Variants in NCAPG2 observed in about 807,000 individuals in gnomAD.
NCAPG2 encodes condensin-2 complex subunit G2.
A neutral mutation model predicts 141.1 loss-of-function variants in NCAPG2; 53 were observed. The observed-to-expected ratio is 0.38, with a 90% CI of 0.30 to 0.47. The LOEUF is 0.47. Among genes scored for constraint, NCAPG2 ranks in the 20% least tolerant of loss-of-function variants. The probability of loss-of-function intolerance (pLI) is 0.99; values close to 1 mark genes in which losing one functional copy is unlikely to be tolerated. For missense variants in NCAPG2, 1,087 were observed against 1,389.0 expected, an observed-to-expected ratio of 0.78 and a Z score of 3.46; for synonymous variants, 499 against 490.7, an observed-to-expected ratio of 1.02 and a Z score of -0.22.
At chr7:158,677,525 CAAAAAAA>C in intron 11 of NCAPG2, among the ~76,000 whole-genome samples, 31,366 of 90,802 alleles carry the variant, frequency 0.35, 3,352 homozygotes, top group Admixed American at 0.42. Context: ...AAAAATAAAG[CAAAAAAA>C]AAAAAAAAAA....
intron 8 of NCAPG2, among the ~76,000 whole-genome samples, chr7:158,685,000 A>G (rs2129468193): frequency 6.6e-6 from 1 of 152,370 alleles, no homozygotes; most frequent in African/African-American, 2.4e-5. Flanking sequence ...CCATCAGTGC[A>G]GGGCCTGCTC....
intron 16 of NCAPG2, among the ~76,000 whole-genome samples, chr7:158,660,555 A>G (rs1211383331): frequency 6.6e-6 from 1 of 151,940 alleles, no homozygotes; most frequent in East Asian, 1.9e-4. Context: ...AGCTGGGACC[A>G]AAAGGCACAG....
At chr7:158,677,030 T>C (rs935544665) in intron 11 of NCAPG2, among the ~76,000 whole-genome samples, 1 of 152,032 alleles carries the variant, frequency 6.6e-6, no homozygotes, top group African/African-American at 2.4e-5. Context: ...GAGCCCAGGT[T>C]ACAGAGAAGA....
chr7:158,677,525 C>CAAAAAAAAAAAAAAAAAAAAAAAA, intron 11 of NCAPG2, among the ~76,000 whole-genome samples: 4 of 90,404 alleles, frequency 4.4e-5, no homozygotes, highest in Non-Finnish European at 8.6e-5. Flanking sequence ...AAAAATAAAG[C>CAAAAAAAAAAAAAAAAAAAAAAAA]AAAAAAAAAA....
intron 13 of NCAPG2, among the ~76,000 whole-genome samples, chr7:158,666,513 G>C (rs1194663623): frequency 6.6e-6 from 1 of 151,620 alleles, no homozygotes; most frequent in Non-Finnish European, 1.5e-5. Context: ...GTAAGAAGCA[G>C]GCTTAGAGTG....
At chr7:158,634,175 C>A (rs1176019519) in intron 27 of NCAPG2, among the ~76,000 whole-genome samples, 1 of 135,754 alleles carries the variant, frequency 7.4e-6, no homozygotes, top group African/African-American at 2.7e-5. Flanking sequence ...TGTTCCAGGA[C>A]CCCCCAGATA....
At position 158,686,258 on chromosome 7, in the gene NCAPG2, A is replaced by G. The variant is rs370382695; in HGVS notation, c.768-17T>C. The G allele has an allele frequency of 1.1e-5, 15 of 1,392,718 alleles. No homozygotes were observed. The African/African-American group carries it at 2.2e-4, about 21-fold the overall frequency. 86.3% of individuals were successfully genotyped at this position (1,392,718 alleles called of 1,614,324 possible). ...ATCAAAGACCTATATAAAAAGATCA[A>G]AATAGTTTTAATGCAAATTTTAAGA... On this transcript the variant is annotated splice_polypyrimidine_tract_variant and intron_variant, in intron 7 of 27. Coordinates refer to ENST00000356309, the MANE Select transcript of NCAPG2 (RefSeq NM_017760.7).
At chr7:158,659,025 TAAAAAAAA>T (rs55893307) in intron 16 of NCAPG2, among the ~76,000 whole-genome samples, 3 of 97,740 alleles carry the variant, frequency 3.1e-5, no homozygotes, top group African/African-American at 8.1e-5. Context: ...GCATTATATT[TAAAAAAAA>T]AAAAAAAAAA....
At chr7:158,651,952 C>G (rs1182037750) in intron 23 of NCAPG2, among the ~76,000 whole-genome samples, 1 of 152,190 alleles carries the variant, frequency 6.6e-6, no homozygotes, top group Non-Finnish European at 1.5e-5. Context: ...GCTCAGAACC[C>G]AGAGCAATCA....
chr7:158,673,274 G>A (rs1425189473), intron 12 of NCAPG2, among the ~76,000 whole-genome samples: 1 of 152,232 alleles, frequency 6.6e-6, no homozygotes, highest in Non-Finnish European at 1.5e-5. Flanking sequence ...ATGGCAGCAG[G>A]TTTGGAAAAG....
At chr7:158,684,822 G>A (rs1301103361) in intron 8 of NCAPG2, among the ~76,000 whole-genome samples, 1 of 152,216 alleles carries the variant, frequency 6.6e-6, no homozygotes, top group Non-Finnish European at 1.5e-5. Context: ...CAAAGTGCTG[G>A]GATTACAGGC....
At chr7:158,677,065 C>A (rs578255684) in intron 11 of NCAPG2, among the ~76,000 whole-genome samples, 1 of 152,092 alleles carries the variant, frequency 6.6e-6, no homozygotes, top group South Asian at 2.1e-4. Flanking sequence ...CTGCAAACAA[C>A]CCCTGATGAG....
In NCAPG2 at chr7:158,678,455, T is replaced by C. The variant is rs1055675334; in HGVS notation, c.1146+1505A>G. Among the ~76,000 whole-genome samples the C allele has an allele frequency of 9.8e-5, 15 of 152,362 alleles. 1 individual carries two copies. The East Asian group carries it at 2.5e-3, about 25-fold the overall frequency. On this transcript the variant is annotated intron_variant, in intron 11 of 27. Coordinates refer to ENST00000356309, the MANE Select transcript of NCAPG2 (RefSeq NM_017760.7). The stretch of plus-strand genomic sequence containing the variant: ...AAAAAATGAACAAATTAACATTTTA[T>C]GGCATGTGAAAATTACATGAGATTA...
intron 6 of NCAPG2, 144 bp from the exon 7 acceptor site, chr7:158,687,586 C>T (rs550039361): frequency 2.8e-5 from 17 of 614,388 alleles, no homozygotes; most frequent in African/African-American, 2.2e-4. Flanking sequence ...AGCACATGCA[C>T]GAGTTGAGCT....
chr7:158,632,327 T>C (rs1663176831), intron 27 of NCAPG2, among the ~76,000 whole-genome samples: 3 of 152,170 alleles, frequency 2.0e-5, no homozygotes. Context: ...GTGTGCCTAT[T>C]TTAAGAATCA....
chr7:158,663,640 G>C (rs1832701624), intron 15 of NCAPG2, among the ~76,000 whole-genome samples: 1 of 152,220 alleles, frequency 6.6e-6, no homozygotes, highest in Non-Finnish European at 1.5e-5. Context: ...ACTGTGTTTT[G>C]TGATTTCCTT....
At chr7:158,651,066 TC>T in intron 23 of NCAPG2, 94 bp from the exon 24 acceptor site, 1 of 1,295,138 alleles carries the variant, frequency 7.7e-7, no homozygotes. Flanking sequence ...CTTACTATCC[TC>T]CCCCAGGACT....
intron 13 of NCAPG2, chr7:158,667,213 C>T: frequency 4.1e-6 from 4 of 985,526 alleles, no homozygotes; most frequent in Non-Finnish European, 4.8e-6. Context: ...AACGTTCTGC[C>T]TTCTTCCTCT....
chr7:158,631,864 G>T (rs1829911182), intron 27 of NCAPG2, 147 bp from the exon 28 acceptor site: 1 of 676,338 alleles, frequency 1.5e-6, no homozygotes, highest in South Asian at 1.8e-5. Context: ...TTCATTAATT[G>T]TTTCTTGTAT....
Sources: gnomAD v4.1 joint callset for allele counts (sites outside exome capture counted in the v4.1 genomes callset) on GRCh38, gnomAD v4.1.1 for gene constraint, MANE v1.5 for transcripts, NCBI Gene and HGNC (gene_info 2026-07-23, HGNC 2026-07-21) for gene names.